The following SSBP3 variants were observed in gnomAD, a reference collection of about 807,000 sequenced individuals.
SSBP3 encodes the protein single-stranded DNA-binding protein 3.
A neutral mutation model predicts 69.6 loss-of-function variants in SSBP3; 5 were observed. That is an observed-to-expected ratio of 0.07 (90% confidence interval 0.04 to 0.15). The LOEUF is 0.15. Among genes scored for constraint, SSBP3 ranks in the 10% least tolerant of loss-of-function variants. SSBP3 has a pLI of 1.00. For synonymous variants in SSBP3, 196 were observed against 193.4 expected (o/e 1.01, Z -0.11); for missense variants, 312 against 534.0 (o/e 0.58, Z 4.10).
At chr1:54,340,083 G>T (rs963336792) in intron 4 of SSBP3, among the ~76,000 whole-genome samples, 5 of 151,926 alleles carry the variant, frequency 3.3e-5, no homozygotes, top group Non-Finnish European at 7.4e-5. Context: ...GAGGATAAGC[G>T]CCTTCAAGGA....
At chr1:54,321,230 C>T (rs950225773) in intron 4 of SSBP3, among the ~76,000 whole-genome samples, 1 of 152,236 alleles carries the variant, frequency 6.6e-6, no homozygotes, top group Non-Finnish European at 1.5e-5. Flanking sequence ...CGGGCTTCAC[C>T]CTGAAGAACA....
At chr1:54,364,900 A>G (rs546224496) in intron 4 of SSBP3, among the ~76,000 whole-genome samples, 45 of 152,300 alleles carry the variant, frequency 3.0e-4, no homozygotes, top group African/African-American at 1.1e-3. Context: ...AGTCCAAACT[A>G]GCGGGGTTTG....
chr1:54,353,717 G>A (rs560801520), intron 4 of SSBP3, among the ~76,000 whole-genome samples: 2 of 152,338 alleles, frequency 1.3e-5, no homozygotes, highest in East Asian at 1.9e-4. Context: ...CCCAGGGCAA[G>A]GGGAGTGGCA....
At chr1:54,251,537 G>C in intron 9 of SSBP3, 79 bp downstream of exon 9, 10 of 1,423,052 alleles carry the variant, frequency 7.0e-6, no homozygotes, top group Admixed American at 6.2e-5. Context: ...GTGGGAGACT[G>C]ACAGAGCATG....
chr1:54,238,266 C>T (rs998675404), intron 14 of SSBP3: 3 of 470,974 alleles, frequency 6.4e-6, no homozygotes, highest in African/African-American at 4.0e-5. Flanking sequence ...AACCAGAGTG[C>T]CCCAAAAGGC....
chr1:54,405,011 C>T lies in SSBP3; in HGVS notation c.57-81G>A, dbSNP rs1253773342. 5 of 1,282,068 alleles carry T rather than the reference C, an allele frequency of 3.9e-6. No individual in the cohort carries two copies. In the African/African-American group the frequency reaches 4.4e-5, roughly 11 times the overall value. 79.4% of individuals were successfully genotyped at this position (1,282,068 alleles called of 1,614,324 possible). A position where few individuals can be genotyped will look rare whatever the true frequency, so the allele number is the denominator to read the frequency against. On this transcript the variant is annotated intron_variant, in intron 1 of 17. Transcript: ENST00000610401. Reference sequence around the variant, plus strand: ...CGCTCTCCAGGACCTTGCCAGCAGGCTTTGAGCCCTGTCTGCGCCGTCCCA... The same window carrying T: ...CGCTCTCCAGGACCTTGCCAGCAGGTTTTGAGCCCTGTCTGCGCCGTCCCA...
rs571592516 is a variant in SSBP3 at position 54,241,058 on chromosome 1, C to T, written c.802-99G>A. On this transcript the variant is annotated intron_variant, in intron 12 of 17. Coordinates refer to ENST00000610401, the Ensembl canonical transcript of SSBP3. The stretch of plus-strand genomic sequence containing the variant: ...CCCTGGTCAGCAGCAACTGCTCGCC[C>T]CAGGCCCAGCCGCTATTCATCTTGC... 40 of 1,321,128 alleles carry T rather than the reference C, an allele frequency of 3.0e-5. No homozygotes were observed. The African/African-American group carries it at 4.1e-4, about 14-fold the overall frequency. The allele number at this position is 1,321,128 out of a possible 1,614,324, so 81.8% of individuals were successfully genotyped here.
At chr1:54,395,617 G>A (rs998344778) in intron 4 of SSBP3, among the ~76,000 whole-genome samples, 5 of 152,062 alleles carry the variant, frequency 3.3e-5, no homozygotes, top group Admixed American at 1.3e-4. Context: ...GGATATTGAC[G>A]GATGACTGTA....
At chr1:54,410,032 C>T (rs574090581), upstream of SSBP3, among the ~76,000 whole-genome samples, 1 of 152,342 alleles carries the variant, frequency 6.6e-6, no homozygotes, top group Non-Finnish European at 1.5e-5. Context: ...TGTGTCCCCA[C>T]TGCATGGGTG....
At chr1:54,242,257 A>G (rs374733760) in intron 10 of SSBP3, 45 bp from the exon 11 acceptor site, 2 of 1,611,210 alleles carry the variant, frequency 1.2e-6, no homozygotes, top group Non-Finnish European at 8.5e-7. Context: ...AAGGCGCTGT[A>G]AACTCCAAGC....
intron 14 of SSBP3, among the ~76,000 whole-genome samples, chr1:54,233,182 T>C (rs562770103): frequency 9.4e-4 from 143 of 151,378 alleles, no homozygotes; most frequent in Non-Finnish European, 1.6e-3. Context: ...GAGGAGCGTC[T>C]CTGCCCGGCC....
At chr1:54,240,387 G>A (rs1361273233) in intron 13 of SSBP3, among the ~76,000 whole-genome samples, 2 of 149,096 alleles carry the variant, frequency 1.3e-5, no homozygotes, top group East Asian at 2.0e-4. Context: ...GAGCCTGGGA[G>A]GTGGAGATTG....
intron 13 of SSBP3, among the ~76,000 whole-genome samples, chr1:54,240,368 G>C (rs1392684276): frequency 6.6e-6 from 1 of 150,892 alleles, no homozygotes; most frequent in Non-Finnish European, 1.5e-5. Context: ...TGAGACAGGA[G>C]AATCGCTTGA....
intron 10 of SSBP3, 127 bp from the exon 11 acceptor site, chr1:54,242,339 T>G: frequency 2.5e-4 from 263 of 1,066,840 alleles, no homozygotes; most frequent in Non-Finnish European, 3.3e-4. Context: ...CCCTGCGGTT[T>G]AGAGCCTTCT....
At chr1:54,259,765 C>T (rs1224088961) in intron 5 of SSBP3, among the ~76,000 whole-genome samples, 2 of 152,196 alleles carry the variant, frequency 1.3e-5, no homozygotes, top group East Asian at 1.9e-4. Context: ...AGGGCGCCGC[C>T]GCTGTGAGGC....
intron 4 of SSBP3, among the ~76,000 whole-genome samples, chr1:54,298,745 C>T (rs74716854): frequency 1.0e-3 from 156 of 152,230 alleles, no homozygotes; most frequent in African/African-American, 3.6e-3. Context: ...AGCTACACTG[C>T]GGCTCTTCTC....
chr1:54,352,126 T>A (rs1041585864), intron 4 of SSBP3, among the ~76,000 whole-genome samples: 3 of 151,820 alleles, frequency 2.0e-5, no homozygotes, highest in Admixed American at 2.0e-4. Flanking sequence ...TGAGACCCTA[T>A]CTCTACAAAA....
chr1:54,408,175 G>A (rs1025201846), upstream of SSBP3, among the ~76,000 whole-genome samples: 6 of 152,172 alleles, frequency 3.9e-5, no homozygotes, highest in Admixed American at 3.9e-4. Flanking sequence ...AAAAAGGAAC[G>A]CTGAGACCTA....
chr1:54,322,701 G>C (rs928714883), intron 4 of SSBP3, among the ~76,000 whole-genome samples: 3 of 151,140 alleles, frequency 2.0e-5, no homozygotes, highest in African/African-American at 4.9e-5. Flanking sequence ...TCCTCTCCAA[G>C]CAACAACTCA....
Sources: gnomAD v4.1 joint callset for allele counts (sites outside exome capture counted in the v4.1 genomes callset) on GRCh38, gnomAD v4.1.1 for gene constraint, MANE v1.5 for transcripts, NCBI Gene and HGNC (gene_info 2026-07-23, HGNC 2026-07-21) for gene names.